Variants in CAPN2 observed in about 807,000 individuals in gnomAD.
CAPN2 encodes calpain-2 catalytic subunit.
In CAPN2, 92 loss-of-function variants were observed where a neutral mutation model predicts 102.3. The observed-to-expected ratio is 0.90, with a 90% CI of 0.76 to 1.07. The LOEUF is 1.07. CAPN2 is among the 50% of genes least tolerant of loss of function. CAPN2 has a pLI of 0.00. For missense variants in CAPN2, 800 were observed against 909.4 expected (o/e 0.88, Z 1.55); for synonymous variants, 340 against 355.4 (o/e 0.96, Z 0.49).
chr1:223,704,463 A>T (rs1659556638), intron 1 of CAPN2, among the ~76,000 whole-genome samples: 1 of 152,222 alleles, frequency 6.6e-6, no homozygotes, highest in South Asian at 2.1e-4. Flanking sequence ...CTATATTTGT[A>T]AGTCTCCTCC....
intron 20 of CAPN2, chr1:223,772,603 G>T: frequency 4.5e-6 from 1 of 221,552 alleles, no homozygotes; most frequent in Admixed American, 5.4e-5. Flanking sequence ...AATTCAAGTT[G>T]GGTTTTGGGA....
chr1:223,705,200 G>A (rs1284418087), intron 1 of CAPN2, among the ~76,000 whole-genome samples: 1 of 152,180 alleles, frequency 6.6e-6, no homozygotes, highest in African/African-American at 2.4e-5. Context: ...AATGGAACGG[G>A]GCAAAGTAAC....
At chr1:223,762,352 A>C in intron 14 of CAPN2, 101 bp downstream of exon 14, 1 of 931,916 alleles carries the variant, frequency 1.1e-6, no homozygotes, top group Non-Finnish European at 1.7e-6. Flanking sequence ...AGAGGAAACA[A>C]ACTGAACAAA....
chr1:223,765,747 G>A (rs1220288740), intron 15 of CAPN2, among the ~76,000 whole-genome samples: 2 of 152,250 alleles, frequency 1.3e-5, no homozygotes, highest in Non-Finnish European at 2.9e-5. Flanking sequence ...CTTTGAGGCA[G>A]GTCAGGCTCT....
At chr1:223,704,240 G>T (rs1571771700) in intron 1 of CAPN2, among the ~76,000 whole-genome samples, 1 of 152,076 alleles carries the variant, frequency 6.6e-6, no homozygotes, top group African/African-American at 2.4e-5. Flanking sequence ...GCGGTGAGTC[G>T]AGATCACGCC....
At position 223,766,783 on chromosome 1, in the gene CAPN2, A is replaced by T. The variant is rs1030154429; in HGVS notation, c.1755+352A>T. 3.9e-5 allele frequency among the ~76,000 whole-genome samples: 6 copies of T among 152,224 alleles called. No homozygotes were observed. In the South Asian group the frequency reaches 1.2e-3, roughly 32 times the overall value. On this transcript the variant is annotated intron_variant, in intron 16 of 20. Coordinates refer to ENST00000295006, the MANE Select transcript of CAPN2 (RefSeq NM_001748.5). ...GAGACCAGCCTGACCAACATGGTGAAACCTTGTCTCTACTAAAAATACAAA... is the reference window on the plus strand; with the variant it reads ...GAGACCAGCCTGACCAACATGGTGATACCTTGTCTCTACTAAAAATACAAA...
At chr1:223,744,666 G>C (rs564146392) in intron 3 of CAPN2, among the ~76,000 whole-genome samples, 32 of 152,284 alleles carry the variant, frequency 2.1e-4, no homozygotes, top group African/African-American at 7.5e-4. Context: ...TTCGAGACCA[G>C]CCTGGCCAAC....
intron 5 of CAPN2, among the ~76,000 whole-genome samples, chr1:223,747,501 G>A (rs1228539257): frequency 6.6e-6 from 1 of 152,168 alleles, no homozygotes; most frequent in Admixed American, 6.5e-5. Context: ...TAGGGATGTC[G>A]TAAATGATTT....
rs372088631 is a variant in CAPN2, at chr1:223,755,553, C to T, written c.1209C>T (p.Ser403=). The part of the protein sequence containing the change: ...EEDEDEEDGE[S]GCTFLVGLIQ... ...ATGAGGACGAGGAGGATGGGGAGAG[C>T]GGCTGCACCTTCCTGGTGGGGCTCA... Residue 403 remains serine, a synonymous_variant, in exon 10 of 21, where the codon AGC becomes AGT. Coordinates refer to ENST00000295006, the MANE Select transcript of CAPN2 (RefSeq NM_001748.5). The surrounding 1 kb of genome is among the most constrained non-coding windows in gnomAD (Gnocchi z 4.1). The T allele has an allele frequency of 1.6e-5, 26 of 1,613,886 alleles. No homozygotes were observed. The highest frequency in any genetic ancestry group is 1.5e-4 in the South Asian group (14 of 91,070).
At position 223,747,287 on chromosome 1, in the gene CAPN2, G is replaced by T. The variant is rs143055001; in HGVS notation, c.729+122G>T. 3.1e-4 allele frequency: 299 copies of T among 967,558 alleles called. 1 individual carries two copies. In the African/African-American group the frequency reaches 3.8e-3, roughly 12 times the overall value. 59.9% of individuals were successfully genotyped at this position (967,558 alleles called of 1,614,324 possible). Reference sequence around the variant, plus strand: ...CGTAATGCAGCCCTCGTCCACGTAGGGGCCAAAGGAAAACCTCCCTCCACC... The same window carrying T: ...CGTAATGCAGCCCTCGTCCACGTAGTGGCCAAAGGAAAACCTCCCTCCACC... On this transcript the variant is annotated intron_variant, in intron 5 of 20. Transcript: ENST00000295006.
intron 2 of CAPN2, among the ~76,000 whole-genome samples, chr1:223,734,789 C>T (rs1258842654): frequency 6.6e-6 from 1 of 152,194 alleles, no homozygotes; most frequent in African/African-American, 2.4e-5. Context: ...CTTGGAGACA[C>T]TGTTCTCAAT....
intron 15 of CAPN2, among the ~76,000 whole-genome samples, chr1:223,765,345 TC>T (rs1661285063): frequency 6.6e-6 from 1 of 152,150 alleles, no homozygotes; most frequent in South Asian, 2.1e-4. Context: ...GTGCAGGGCC[TC>T]CCCAGAGGAG....
At chr1:223,773,637 C>T (rs1222146) in intron 20 of CAPN2, among the ~76,000 whole-genome samples, 20,213 of 151,770 alleles carry the variant, frequency 0.13, 1,863 homozygotes, top group African/African-American at 0.24. Flanking sequence ...GAGGTTGCGG[C>T]GAGCTGAGAT....
chr1:223,729,158 T>C (rs1001186764), intron 2 of CAPN2, among the ~76,000 whole-genome samples: 3 of 152,298 alleles, frequency 2.0e-5, no homozygotes, highest in African/African-American at 7.2e-5. Flanking sequence ...TGGCTTGACA[T>C]GCAATTTTTC....
rs1660991815 is a variant in CAPN2, at chr1:223,754,852, T to TC, written c.1136-623dup. ...CAAGTGCAGGGAGCAGATCCCGGAG[T>TC]CCCCCAGGCCAGCCGAGCCCCGCCC... On this transcript the variant is annotated intron_variant, in intron 9 of 20. Transcript: ENST00000295006. The surrounding 1 kb of genome is among the most constrained non-coding windows in gnomAD (Gnocchi z 4.7). 6.6e-6 allele frequency among the ~76,000 whole-genome samples: 1 copy of TC among 151,114 alleles called. No individual in the cohort carries two copies. The highest frequency in any genetic ancestry group is 1.5e-5 in the Non-Finnish European group (1 of 67,772).
upstream of CAPN2, among the ~76,000 whole-genome samples, chr1:223,708,314 C>G (rs1199756945): frequency 6.6e-6 from 1 of 152,014 alleles, no homozygotes; most frequent in East Asian, 1.9e-4. Flanking sequence ...AAAAACAAAA[C>G]CATGGGAGAC....
chr1:223,745,452 C>G lies in CAPN2; in HGVS notation c.560+13C>G. 6.2e-7 allele frequency: 1 copy of G among 1,614,096 alleles called. No individual in the cohort carries two copies. Among genetic ancestry groups the G allele is most frequent in the Non-Finnish European group, 8.5e-7 (1 of 1,179,966 alleles). Reference sequence around the variant, plus strand: ...AGGCATACGCCAAGTAAGTTGCCATCCTCCCCTGGCCCCATGGCCTTCCCC... The same window carrying G: ...AGGCATACGCCAAGTAAGTTGCCATGCTCCCCTGGCCCCATGGCCTTCCCC... On this transcript the variant is annotated intron_variant, in intron 4 of 20. Coordinates refer to ENST00000295006, the MANE Select transcript of CAPN2 (RefSeq NM_001748.5).
At chr1:223,741,195 TAAAGG>T (rs1461117901) in intron 2 of CAPN2, among the ~76,000 whole-genome samples, 1 of 151,814 alleles carries the variant, frequency 6.6e-6, no homozygotes, top group African/African-American at 2.4e-5. Flanking sequence ...GATATTAAAA[TAAAGG>T]AAAGAAGTCA....
At chr1:223,774,714 T>C in intron 20 of CAPN2, 120 bp from the exon 21 acceptor site, 2 of 823,402 alleles carry the variant, frequency 2.4e-6, no homozygotes, top group Non-Finnish European at 4.2e-6. Flanking sequence ...AGTGCACTGA[T>C]ATTGTAGCCC....
Sources: gnomAD v4.1 joint callset for allele counts (sites outside exome capture counted in the v4.1 genomes callset) on GRCh38, gnomAD v4.1.1 for gene constraint, Gnocchi (gnomAD v3.1) non-coding constraint, MANE v1.5 for transcripts, NCBI Gene and HGNC (gene_info 2026-07-23, HGNC 2026-07-21) for gene names.